Variants in ITGA3 observed in about 807,000 individuals in gnomAD.
ITGA3 encodes integrin subunit alpha 3.
A neutral mutation model predicts 131.1 loss-of-function variants in ITGA3; 70 were observed. The observed-to-expected ratio is 0.53, with a 90% CI of 0.44 to 0.65. ITGA3 has a LOEUF of 0.65. Ranked by LOEUF, ITGA3 falls within the 30% of genes least tolerant of loss-of-function variation. The pLI, the probability that ITGA3 is intolerant of heterozygous loss-of-function variation, is 0.00. For missense variants in ITGA3, 1,098 were observed against 1,388.6 expected (o/e 0.79, Z 3.33); for synonymous variants, 537 against 571.6 (o/e 0.94, Z 0.86).
intron 7 of ITGA3, 36 bp downstream of exon 7, chr17:50,072,218 C>G (rs377253057): frequency 3.8e-6 from 6 of 1,564,544 alleles, no homozygotes; most frequent in Non-Finnish European, 5.3e-6. Flanking sequence ...CACCCCTCCT[C>G]CAGCACCCCT....
At chr17:50,079,287 T>A in intron 20 of ITGA3, 29 bp downstream of exon 20, 1 of 1,609,790 alleles carries the variant, frequency 6.2e-7, no homozygotes, top group Non-Finnish European at 8.5e-7. Flanking sequence ...ATATTTCATT[T>A]GCATGCTACA....
chr17:50,061,366 C>T (rs558783081), intron 1 of ITGA3, among the ~76,000 whole-genome samples: 127 of 152,064 alleles, frequency 8.4e-4, no homozygotes, highest in South Asian at 2.5e-3. Flanking sequence ...CCCTTAGCCC[C>T]TTCCTGGCTG....
intron 23 of ITGA3, among the ~76,000 whole-genome samples, chr17:50,085,182 A>G (rs1306242297): frequency 1.3e-5 from 2 of 151,502 alleles, no homozygotes; most frequent in Non-Finnish European, 2.9e-5. Flanking sequence ...AGCCTGGGCG[A>G]CAGAGTGAGA....
intron 14 of ITGA3, 114 bp downstream of exon 14, chr17:50,076,795 C>A: frequency 6.7e-6 from 8 of 1,202,852 alleles, no homozygotes; most frequent in Admixed American, 1.9e-5. Flanking sequence ...AGGGCTTTAG[C>A]GGGAACAGGT....
chr17:50,084,244 A>AC (rs1909298648), intron 23 of ITGA3, among the ~76,000 whole-genome samples: 1 of 150,786 alleles, frequency 6.6e-6, no homozygotes, highest in African/African-American at 2.4e-5. Context: ...AAAAAAAAAA[A>AC]AAAAAAAAAA....
intron 23 of ITGA3, among the ~76,000 whole-genome samples, chr17:50,085,438 G>A (rs577568712): frequency 1.3e-4 from 19 of 151,996 alleles, no homozygotes; most frequent in African/African-American, 4.3e-4. Flanking sequence ...GTCGAGGCAG[G>A]TGGACCACTT....
At chr17:50,080,461 TGG>T (rs764103810) in intron 22 of ITGA3, 86 bp downstream of exon 22, 1 of 573,090 alleles carries the variant, frequency 1.7e-6, no homozygotes, top group Non-Finnish European at 3.1e-6. Context: ...GGTCATAGCA[TGG>T]GTGTGTGTGT....
chr17:50,074,848 T>C (rs1908810877), intron 10 of ITGA3, among the ~76,000 whole-genome samples: 1 of 152,206 alleles, frequency 6.6e-6, no homozygotes, highest in African/African-American at 2.4e-5. Flanking sequence ...TGGATGGATA[T>C]GGAGGAGAGT....
chr17:50,073,463 G>T (rs1026188165), intron 7 of ITGA3, among the ~76,000 whole-genome samples: 1 of 152,116 alleles, frequency 6.6e-6, no homozygotes, highest in African/African-American at 2.4e-5. Flanking sequence ...GTGTGTTGGT[G>T]TGTGCCTGTC....
chr17:50,080,474 G>A, intron 22 of ITGA3, 99 bp downstream of exon 22: 1 of 559,528 alleles, frequency 1.8e-6, no homozygotes. Flanking sequence ...GTGTGTGTGT[G>A]TGTGTGTGTG....
chr17:50,088,098 C>T, intron 24 of ITGA3, 127 bp from the exon 25 acceptor site: 2 of 1,333,468 alleles, frequency 1.5e-6, no homozygotes, highest in Non-Finnish European at 2.0e-6. Flanking sequence ...TCTGACCACA[C>T]CACCAAGCTG....
At chr17:50,067,541 C>G (rs903837500) in intron 3 of ITGA3, among the ~76,000 whole-genome samples, 1 of 152,162 alleles carries the variant, frequency 6.6e-6, no homozygotes, top group African/African-American at 2.4e-5. Context: ...ATAATCATTC[C>G]TACACCATAG....
chr17:50,069,050 G>A (rs958617328), intron 4 of ITGA3, among the ~76,000 whole-genome samples: 14 of 151,610 alleles, frequency 9.2e-5, no homozygotes, highest in Admixed American at 1.3e-4. Flanking sequence ...GGCTTTCACC[G>A]TGTTAGCCAG....
Position 50,079,098 on chromosome 17 carries a change from T to C in ITGA3, c.2423T>C (p.Leu808Pro). The change falls in exon 20 of 26, where the codon CTG becomes CCG. Residue 808 changes from leucine to proline, a missense_variant. Physicochemically the swap from Leu to Pro is moderately conservative, Grantham distance 98. Coordinates refer to ENST00000320031, the MANE Select transcript of ITGA3 (RefSeq NM_002204.4). ...CAGGTGGGCCCAATGGGGGAGGGGC[T>C]GGTGGGCCTGGGGACCCTGGTCCTA... ...EFQVGPMGEG[L>P]VGLGTLVLGL... The C allele has an allele frequency of 1.2e-6, 2 of 1,613,756 alleles. No individual in the cohort carries two copies. The highest frequency in any genetic ancestry group is 1.7e-6 in the Non-Finnish European group (2 of 1,179,910).
rs1598201945 is a variant in ITGA3 at position 50,089,172 on chromosome 17, C to A, written c.*94C>A. On this transcript the variant is annotated 3_prime_UTR_variant, in exon 26 of 26. Transcript: ENST00000320031. The stretch of plus-strand genomic sequence containing the variant: ...TGCCCAAGTACCACGCAGTGCGGAT[C>A]CGGGAGGAGGAGCGCTACCCACCTC... 1.2e-6 allele frequency: 2 copies of A among 1,613,524 alleles called. No individual in the cohort carries two copies.
At chr17:50,071,769 C>A in intron 6 of ITGA3, 1 of 617,082 alleles carries the variant, frequency 1.6e-6, no homozygotes, top group Non-Finnish European at 2.8e-6. Context: ...TTGATTTGTG[C>A]CTGCATGGCG....
chr17:50,072,025 G>A lies in ITGA3; in HGVS notation c.999G>A (p.Glu333=). The part of the protein sequence containing the change: ...DLLVGAPYYF[E]RKEEVGGAIY... ...TGGTGGGCGCCCCCTACTACTTCGA[G>A]AGGAAAGAGGAAGTAGGGGGTGCCA... Residue 333 remains glutamate (E), a synonymous_variant, in exon 7 of 26, where the codon GAG becomes GAA. Coordinates refer to ENST00000320031, the MANE Select transcript of ITGA3 (RefSeq NM_002204.4). 1 of 1,613,860 alleles carries A rather than the reference G, an allele frequency of 6.2e-7. No homozygotes were observed. Among genetic ancestry groups the A allele is most frequent in the East Asian group, 2.2e-5 (1 of 44,870 alleles).
At chr17:50,075,352 C>T in intron 10 of ITGA3, 107 bp from the exon 11 acceptor site, 1 of 1,164,148 alleles carries the variant, frequency 8.6e-7, no homozygotes, top group Non-Finnish European at 1.3e-6. Context: ...GTCCCTGCCT[C>T]TCTCCAGAAG....
chr17:50,071,987 T>G lies in ITGA3; in HGVS notation c.961T>G (p.Trp321Gly). The change falls in exon 7 of 26, where the codon TGG becomes GGG. Residue 321 changes from tryptophan (W) to glycine (G), a missense_variant and splice_region_variant. Coordinates refer to ENST00000320031, the MANE Select transcript of ITGA3 (RefSeq NM_002204.4). Reference sequence around the variant, plus strand: ...CCATTTCCCTCCTCTCCTGTGTAGGTGGCAGGACCTCCTGGTGGGCGCCCC... The same window carrying G: ...CCATTTCCCTCCTCTCCTGTGTAGGGGGCAGGACCTCCTGGTGGGCGCCCC... Reference protein sequence around the residue: ...IALADLNNDGWQDLLVGAPYY... With the variant: ...IALADLNNDGGQDLLVGAPYY... 2.5e-6 allele frequency: 4 copies of G among 1,612,674 alleles called. No homozygotes were observed. Among genetic ancestry groups the G allele is most frequent in the Non-Finnish European group, 3.4e-6 (4 of 1,179,166 alleles).
Sources: allele counts gnomAD v4.1 joint callset (sites outside exome capture counted in the v4.1 genomes callset), GRCh38; gene constraint gnomAD v4.1.1; transcripts MANE v1.5; gene names NCBI Gene and HGNC (gene_info 2026-07-23, HGNC 2026-07-21).